Variants in SLC16A3 observed in about 807,000 individuals in gnomAD.
SLC16A3 encodes the protein monocarboxylate transporter 4.
In SLC16A3, 22 loss-of-function variants were observed where a neutral mutation model predicts 25.0. The observed-to-expected ratio is 0.88, with a 90% confidence interval of 0.63 to 1.26. The LOEUF (loss-of-function observed/expected upper bound fraction) is 1.26, where lower values mean the gene tolerates loss of function less well. Ranked by LOEUF, SLC16A3 falls within the 50% of genes most tolerant of loss-of-function variation. SLC16A3 has a pLI of 0.00. For missense variants in SLC16A3, 731 were observed against 666.6 expected (o/e 1.10, Z -1.06); for synonymous variants, 390 against 309.2 (o/e 1.26, Z -2.74).
intron 1 of SLC16A3, chr17:82,231,529 TCGGAGGTGGGGGACGG>T (rs2050495947): frequency 6.6e-6 from 1 of 152,224 alleles, no homozygotes; most frequent in Admixed American, 6.5e-5. Context: ...CCAGGAGGCC[TCGGAGGTGGGGGACGG>T]CGGCTCTGGA....
chr17:82,220,662 A>G (rs1477404457), intron 1 of SLC16A3, among the ~76,000 whole-genome samples: 4 of 152,142 alleles, frequency 2.6e-5, no homozygotes, highest in Non-Finnish European at 5.9e-5. Flanking sequence ...TCTCTTCCAC[A>G]AAAGTGCTGG....
Position 82,237,168 on chromosome 17 carries a change from C to T in SLC16A3, c.398C>T (p.Ser133Leu), listed in dbSNP as rs745414496. The T allele has an allele frequency of 1.3e-5, 20 of 1,513,852 alleles. No individual in the cohort carries two copies. Among genetic ancestry groups the T allele is most frequent in the East Asian group, 1.2e-4 (5 of 42,120 alleles). 93.8% of individuals were successfully genotyped at this position (1,513,852 alleles called of 1,614,324 possible). Residue 133 changes from serine (S) to leucine (L), a missense_variant, in exon 4 of 5, where the codon TCG becomes TTG. Ser to Leu is a moderately radical substitution (Grantham distance 145). Transcript: ENST00000582743. ...GGTTTGGCACTCAACTTCCAGCCCT[C>T]GCTCATCATGCTGAACCGCTACTTC... Reference protein sequence around the residue: ...GLGLALNFQPSLIMLNRYFSK... With the variant: ...GLGLALNFQPLLIMLNRYFSK...
At position 82,232,919 on chromosome 17, in the gene SLC16A3, G is replaced by C. The variant is rs915747038; in HGVS notation, c.-26-3064G>C. ...GTTGGCATGCTTCCTGGGGGGCGGC[G>C]GGGGGGGGGTTGGTAAATGTCAGGG... On this transcript the variant is annotated intron_variant, in intron 1 of 4. Coordinates refer to ENST00000582743, the MANE Select transcript of SLC16A3 (RefSeq NM_004207.4). Among the ~76,000 whole-genome samples, 18 of 44,314 alleles carry C rather than the reference G, an allele frequency of 4.1e-4. 2 individuals carry two copies. Among genetic ancestry groups the C allele is most frequent in the East Asian group, 5.5e-3 (2 of 366 alleles). The allele number at this position is 44,314 out of a possible 152,430, so 29.1% of individuals were successfully genotyped here.
intron 4 of SLC16A3, 67 bp from the exon 5 acceptor site, chr17:82,238,635 T>G: frequency 2.0e-6 from 3 of 1,464,430 alleles, no homozygotes; most frequent in South Asian, 1.4e-5. Flanking sequence ...GACACAGGCT[T>G]GGGTGGAGCC....
At chr17:82,235,842 G>A (rs1272665055) in intron 1 of SLC16A3, 141 bp from the exon 2 acceptor site, 1 of 626,820 alleles carries the variant, frequency 1.6e-6, no homozygotes, top group Non-Finnish European at 2.8e-6. Flanking sequence ...CCAGACACCA[G>A]GTCAGGGGGC....
intron 1 of SLC16A3, among the ~76,000 whole-genome samples, chr17:82,223,095 G>A (rs1180094891): frequency 1.3e-5 from 2 of 152,194 alleles, no homozygotes; most frequent in East Asian, 3.8e-4. Flanking sequence ...GCTGGTGGTG[G>A]ACAACAACGT....
chr17:82,236,367 G>C (rs541082885), intron 2 of SLC16A3, 136 bp downstream of exon 2: 27 of 831,558 alleles, frequency 3.2e-5, no homozygotes, highest in Non-Finnish European at 4.7e-5. Context: ...TTGGGGCCAG[G>C]ATCCTGCTGG....
At position 82,237,694 on chromosome 17, in the gene SLC16A3, G is replaced by A. The variant is rs780404859; in HGVS notation, c.924G>A (p.Ala308=). The change falls in exon 4 of 5, where the codon GCG becomes GCA. Residue 308 remains alanine, a synonymous_variant. Coordinates refer to ENST00000582743, the MANE Select transcript of SLC16A3 (RefSeq NM_004207.4). Reference sequence around the variant, plus strand: ...TCTCCATGTTCTTCAACGGCCTCGCGGACCTGGCGGGTTCTACGGCGGGCG... The same window carrying A: ...TCTCCATGTTCTTCAACGGCCTCGCAGACCTGGCGGGTTCTACGGCGGGCG... ...FSFSMFFNGL[A]DLAGSTAGDY... The A allele has an allele frequency of 1.4e-5, 23 of 1,612,760 alleles. No individual in the cohort carries two copies. Among genetic ancestry groups the A allele is most frequent in the East Asian group, 1.1e-4 (5 of 44,866 alleles).
upstream of SLC16A3, among the ~76,000 whole-genome samples, chr17:82,223,468 C>T (rs921771526): frequency 3.9e-5 from 6 of 152,060 alleles, no homozygotes; most frequent in Non-Finnish European, 8.8e-5. Context: ...GGATTATAGG[C>T]GTGAGCCACT....
intron 1 of SLC16A3, chr17:82,229,890 T>C (rs2147114217): frequency 6.6e-6 from 1 of 152,164 alleles, no homozygotes; most frequent in East Asian, 1.9e-4. Context: ...CCTCCAGGGG[T>C]GGCTGGAGTC....
At chr17:82,225,685 G>A (rs932787329), upstream of SLC16A3, among the ~76,000 whole-genome samples, 2 of 152,242 alleles carry the variant, frequency 1.3e-5, no homozygotes, top group African/African-American at 2.4e-5. Flanking sequence ...TCCATGGGGC[G>A]GCAACTGGTG....
upstream of SLC16A3, among the ~76,000 whole-genome samples, chr17:82,227,867 G>A (rs546343775): frequency 3.9e-5 from 6 of 152,284 alleles, no homozygotes; most frequent in Admixed American, 1.3e-4. Flanking sequence ...GCGGGAGGGT[G>A]GGCTTGTAAC....
chr17:82,225,992 TC>T (rs539911210), upstream of SLC16A3, among the ~76,000 whole-genome samples: 788 of 151,994 alleles, frequency 5.2e-3, 2 homozygotes, highest in Non-Finnish European at 7.8e-3. Flanking sequence ...GATCCCAGCC[TC>T]CCCTTCCTGC....
chr17:82,226,441 G>C, upstream of SLC16A3, among the ~76,000 whole-genome samples: 1 of 152,144 alleles, frequency 6.6e-6, no homozygotes, highest in East Asian at 1.9e-4. Flanking sequence ...GGACACACGT[G>C]GCCTTTCCCA....
Position 82,236,188 on chromosome 17 carries a change from A to T in SLC16A3, c.180A>T (p.Thr60=), listed in dbSNP as rs745808851. ...AGTTTGGGATCGGCTACAGCGACAC[A>T]GCCTGGATCTCCTCCATCCTGCTGG... The part of the protein sequence containing the change: ...IQEFGIGYSD[T]AWISSILLAM... Residue 60 remains threonine (T), a synonymous_variant, in exon 2 of 5, where the codon ACA becomes ACT. Coordinates refer to ENST00000582743, the MANE Select transcript of SLC16A3 (RefSeq NM_004207.4). The T allele has an allele frequency of 6.2e-7, 1 of 1,613,036 alleles. No individual in the cohort carries two copies. The highest frequency in any genetic ancestry group is 8.5e-7 in the Non-Finnish European group (1 of 1,179,952).
chr17:82,232,917 G>GC (rs1599554890), intron 1 of SLC16A3, among the ~76,000 whole-genome samples: 3 of 145,970 alleles, frequency 2.1e-5, no homozygotes, highest in South Asian at 4.7e-4. Flanking sequence ...CTGGGGGGCG[G>GC]CGGGGGGGGG....
chr17:82,226,059 G>A (rs1024494152), upstream of SLC16A3, among the ~76,000 whole-genome samples: 7 of 151,952 alleles, frequency 4.6e-5, no homozygotes, highest in African/African-American at 1.4e-4. Flanking sequence ...GCACCCCAGG[G>A]AGCTTAAGCC....
At chr17:82,231,833 CGGCAGGGCACG>C (rs1274717029) in intron 1 of SLC16A3, 1 of 151,700 alleles carries the variant, frequency 6.6e-6, no homozygotes, top group East Asian at 1.9e-4. Context: ...GGACACAGAG[CGGCAGGGCACG>C]GGCTGCGCGA....
rs144588703 is a variant in SLC16A3, at chr17:82,236,052, C to G, written c.44C>G (p.Ala15Gly). 3 of 1,612,684 alleles carry G rather than the reference C, an allele frequency of 1.9e-6. No individual in the cohort carries two copies. The highest frequency in any genetic ancestry group is 1.1e-5 in the South Asian group (1 of 91,090). The change falls in exon 2 of 5, where the codon GCC becomes GGC. Residue 15 changes from alanine to glycine, a missense_variant. Coordinates refer to ENST00000582743, the MANE Select transcript of SLC16A3 (RefSeq NM_004207.4). Reference protein sequence around the residue: ...VVDEGPTGVKAPDGGWGWAVL... With the variant: ...VVDEGPTGVKGPDGGWGWAVL... The stretch of plus-strand genomic sequence containing the variant: ...GACGAGGGCCCCACAGGCGTCAAGG[C>G]CCCTGACGGCGGCTGGGGCTGGGCC...
Sources: allele counts gnomAD v4.1 joint callset (sites outside exome capture counted in the v4.1 genomes callset), GRCh38; gene constraint gnomAD v4.1.1; transcripts MANE v1.5; gene names NCBI Gene and HGNC (gene_info 2026-07-23, HGNC 2026-07-21).